The following GPC5 variants were observed in gnomAD, a reference collection of about 807,000 sequenced individuals.
GPC5 encodes glypican 5, also known as glypican-5.
In GPC5, 47 loss-of-function variants were observed where a neutral mutation model predicts 53.9. The ratio of observed to expected loss-of-function variants is 0.87; its 90% CI spans 0.69 to 1.11. GPC5 has a LOEUF of 1.11. Ranked by LOEUF, GPC5 falls within the 50% of genes most tolerant of loss-of-function variation. The probability of loss-of-function intolerance (pLI) is 0.00; values close to 1 mark genes in which losing one functional copy is unlikely to be tolerated. For missense variants in GPC5, 748 were observed against 713.1 expected (o/e 1.05, Z -0.56); for synonymous variants, 286 against 263.3 (o/e 1.09, Z -0.84).
chr13:91,855,138 C>A (rs1250957075), intron 5 of GPC5, among the ~76,000 whole-genome samples: 1 of 151,598 alleles, frequency 6.6e-6, no homozygotes, highest in Non-Finnish European at 1.5e-5. Flanking sequence ...TCAGAAAATG[C>A]AACTGTAAAA....
intron 7 of GPC5, among the ~76,000 whole-genome samples, chr13:92,655,355 A>G (rs1886096532): frequency 6.7e-6 from 1 of 149,242 alleles, no homozygotes; most frequent in South Asian, 2.1e-4. Flanking sequence ...ATTTTTTGAG[A>G]CAGAGTCTTA....
chr13:91,494,349 T>TTA (rs781772788), intron 2 of GPC5, among the ~76,000 whole-genome samples: 12,389 of 74,272 alleles, frequency 0.17, 626 homozygotes, highest in African/African-American at 0.25. Context: ...TATTATTATT[T>TTA]TTATTAATTA....
At chr13:91,410,370 A>C (rs9556083) in intron 1 of GPC5, among the ~76,000 whole-genome samples, 1 of 136,586 alleles carries the variant, frequency 7.3e-6, no homozygotes. Context: ...TTTTGAGACC[A>C]AGTCTCTCTC....
At chr13:92,374,890 A>G (rs1197208174) in intron 7 of GPC5, among the ~76,000 whole-genome samples, 1 of 151,882 alleles carries the variant, frequency 6.6e-6, no homozygotes, top group Non-Finnish European at 1.5e-5. Context: ...TAAAAAAAAA[A>G]GTAAAATGGA....
intron 7 of GPC5, among the ~76,000 whole-genome samples, chr13:92,861,049 A>G (rs1175627645): frequency 6.6e-6 from 1 of 152,086 alleles, no homozygotes; most frequent in Non-Finnish European, 1.5e-5. Context: ...AAAGAGCATG[A>G]AAGTATATAT....
chr13:91,512,505 C>T (rs1010643554), intron 2 of GPC5, among the ~76,000 whole-genome samples: 2 of 152,182 alleles, frequency 1.3e-5, no homozygotes, highest in Non-Finnish European at 2.9e-5. Flanking sequence ...GCTATTCTGC[C>T]CTGCTCCTGA....
At chr13:92,227,824 C>T (rs891387520) in intron 7 of GPC5, among the ~76,000 whole-genome samples, 1 of 151,830 alleles carries the variant, frequency 6.6e-6, no homozygotes, top group African/African-American at 2.4e-5. Context: ...CACAGTGGTA[C>T]AATAGGTAAT....
At chr13:91,575,808 A>G (rs1270149871) in intron 2 of GPC5, among the ~76,000 whole-genome samples, 1 of 152,174 alleles carries the variant, frequency 6.6e-6, no homozygotes, top group African/African-American at 2.4e-5. Context: ...CTTTAGGAGT[A>G]TACTTATAAG....
intron 7 of GPC5, among the ~76,000 whole-genome samples, chr13:92,346,861 A>C (rs2043417250): frequency 6.6e-6 from 1 of 152,240 alleles, no homozygotes; most frequent in South Asian, 2.1e-4. Context: ...CAATTTTAAA[A>C]AATAGAAATC....
intron 7 of GPC5, among the ~76,000 whole-genome samples, chr13:92,260,004 T>C (rs1432152215): frequency 1.3e-5 from 2 of 152,178 alleles, no homozygotes; most frequent in South Asian, 2.1e-4. Flanking sequence ...CCCACTGTTA[T>C]GGCAGCTTCC....
At chr13:92,822,905 G>A (rs1877721921) in intron 7 of GPC5, among the ~76,000 whole-genome samples, 1 of 151,564 alleles carries the variant, frequency 6.6e-6, no homozygotes, top group South Asian at 2.1e-4. Context: ...GAAAATAATT[G>A]TTTTCATTAA....
intron 7 of GPC5, among the ~76,000 whole-genome samples, chr13:92,812,519 A>T (rs935438812): frequency 6.6e-6 from 1 of 151,956 alleles, no homozygotes; most frequent in African/African-American, 2.4e-5. Flanking sequence ...TCAAAAAAGT[A>T]GAAATAGGAA....
At chr13:92,269,415 GT>G (rs199529608) in intron 7 of GPC5, among the ~76,000 whole-genome samples, 2 of 150,520 alleles carry the variant, frequency 1.3e-5, no homozygotes, top group East Asian at 2.0e-4. Context: ...GTTTTGTTTT[GT>G]TTTTTTTGAG....
Position 92,589,961 on chromosome 13 carries a change from T to G in GPC5, c.1562-276321T>G, listed in dbSNP as rs144200016. ...TGTGTGGCCAAGGTTAAAAGGTTGA[T>G]GAGTGCCACCCAGGGAAGAGATGAG... On this transcript the variant is annotated intron_variant, in intron 7 of 7. Transcript: ENST00000377067. Among the ~76,000 whole-genome samples, 255 of 152,324 alleles carry G rather than the reference T, an allele frequency of 1.7e-3. 1 individual carries two copies. Among genetic ancestry groups the G allele is most frequent in the African/African-American group, 6.0e-3 (251 of 41,580 alleles).
At chr13:92,550,036 G>A (rs942434510) in intron 7 of GPC5, among the ~76,000 whole-genome samples, 2 of 151,864 alleles carry the variant, frequency 1.3e-5, no homozygotes, top group East Asian at 1.9e-4. Context: ...TTAAGCCAGA[G>A]ATATCTATTC....
At chr13:91,858,056 G>C (rs958356827) in intron 5 of GPC5, among the ~76,000 whole-genome samples, 1 of 151,576 alleles carries the variant, frequency 6.6e-6, no homozygotes, top group Non-Finnish European at 1.5e-5. Flanking sequence ...TCATAGGTTG[G>C]TTGTTTATTA....
At chr13:92,138,986 T>C (rs1162574504) in intron 6 of GPC5, among the ~76,000 whole-genome samples, 49 of 152,324 alleles carry the variant, frequency 3.2e-4, no homozygotes, top group Non-Finnish European at 2.9e-5. Context: ...AGATTTATAA[T>C]GAAGCATTTT....
chr13:92,178,400 G>A (rs965960775), intron 7 of GPC5, among the ~76,000 whole-genome samples: 3 of 150,870 alleles, frequency 2.0e-5, no homozygotes, highest in African/African-American at 7.3e-5. Context: ...CCTTCAACTT[G>A]TGGCCCATCA....
At chr13:91,684,753 A>G (rs1273898861) in intron 2 of GPC5, among the ~76,000 whole-genome samples, 1 of 152,190 alleles carries the variant, frequency 6.6e-6, no homozygotes, top group Non-Finnish European at 1.5e-5. Context: ...GAACAGCATC[A>G]CATTTCTCCT....
Sources: allele counts gnomAD v4.1 joint callset (sites outside exome capture counted in the v4.1 genomes callset), GRCh38; gene constraint gnomAD v4.1.1; transcripts MANE v1.5; gene names NCBI Gene and HGNC (gene_info 2026-07-23, HGNC 2026-07-21).